The following PAG1 variants were observed in gnomAD, a reference collection of about 807,000 sequenced individuals.
The protein encoded by PAG1 is phosphoprotein membrane anchor with glycosphingolipid microdomains 1, also known as phosphoprotein associated with glycosphingolipid-enriched microdomains 1.
PAG1 carries 23 observed loss-of-function variants against 31.7 expected under a neutral mutation model. The observed-to-expected ratio is 0.73, with a 90% CI of 0.52 to 1.03. The LOEUF (loss-of-function observed/expected upper bound fraction) is 1.03, where lower values mean the gene tolerates loss of function less well. Among genes scored for constraint, PAG1 ranks in the 50% least tolerant of loss-of-function variants. The pLI is 0.00. For missense variants in PAG1, 473 were observed against 540.7 expected (o/e 0.87, Z 1.24); for synonymous variants, 214 against 210.3 (o/e 1.02, Z -0.15).
chr8:81,000,423 CTT>C (rs1302011339), intron 3 of PAG1, among the ~76,000 whole-genome samples: 3 of 151,178 alleles, frequency 2.0e-5, no homozygotes, highest in Non-Finnish European at 4.4e-5. Flanking sequence ...AAGGCAAATC[CTT>C]TTTTTTTGAG....
intron 2 of PAG1, among the ~76,000 whole-genome samples, chr8:81,052,518 T>C (rs1808750402): frequency 6.6e-6 from 1 of 152,236 alleles, no homozygotes; most frequent in African/African-American, 2.4e-5. Flanking sequence ...AAAATCATCC[T>C]TAATTTGACA....
In PAG1 at chr8:80,972,991, C is replaced by T. The variant is rs1807110004; in HGVS notation, c.*3553G>A. ...TAGTTTATTACTGGTTAAGTAAATG[C>T]TCTAATTAGCAAAAATCATGAGAAA... On this transcript the variant is annotated 3_prime_UTR_variant, in exon 9 of 9. Coordinates refer to ENST00000220597, the MANE Select transcript of PAG1 (RefSeq NM_018440.4). 1.3e-5 allele frequency: 2 copies of T among 150,452 alleles called. No homozygotes were observed. 9.3% of individuals were successfully genotyped at this position (150,452 alleles called of 1,614,324 possible). A position where few individuals can be genotyped will look rare whatever the true frequency, so the allele number is the denominator to read the frequency against.
chr8:81,108,636 T>C (rs1229929505), intron 1 of PAG1, among the ~76,000 whole-genome samples: 4 of 152,010 alleles, frequency 2.6e-5, no homozygotes, highest in Non-Finnish European at 5.9e-5. Flanking sequence ...GCGAGAACAC[T>C]ATCTAGTATT....
At position 80,985,342 on chromosome 8, in the gene PAG1, G is replaced by A; in HGVS notation, c.310C>T (p.His104Tyr). The part of the protein sequence containing the change: ...SEDSTLTCMQ[H>Y]YEEVQTSASD... ...GCCGATGTCTGGACTTCCTCGTAAT[G>A]CTGCATGCAGGTCAGAGTACTGTCC... is the stretch of plus-strand genomic sequence containing the variant. The change falls in exon 7 of 9, where the codon CAT becomes TAT. Residue 104 changes from histidine to tyrosine, a missense_variant. Transcript: ENST00000220597. 6.2e-7 allele frequency: 1 copy of A among 1,614,024 alleles called. No homozygotes were observed. Among genetic ancestry groups the A allele is most frequent in the South Asian group, 1.1e-5 (1 of 91,058 alleles).
chr8:80,985,174 C>A lies in PAG1; in HGVS notation c.478G>T (p.Glu160Ter). The change falls in exon 7 of 9, where the codon GAA (glutamate) becomes TAA (stop). Residue 160 changes from glutamate (E) to a stop codon, truncating the protein, a stop_gained. Coordinates refer to ENST00000220597, the MANE Select transcript of PAG1 (RefSeq NM_018440.4). LOFTEE classifies it high-confidence loss of function. ...SVDGDQGLGM[E>*]GPYEVLKDSS... ...TCCTTGAGCACTTCATAGGGCCCTT[C>A]CATCCCCAGCCCCTGGTCCCCGTCC... The A allele has an allele frequency of 6.2e-7, 1 of 1,614,108 alleles. No homozygotes were observed. Among genetic ancestry groups the A allele is most frequent in the Non-Finnish European group, 8.5e-7 (1 of 1,180,018 alleles).
intron 2 of PAG1, among the ~76,000 whole-genome samples, chr8:81,066,128 G>A (rs1809002683): frequency 6.6e-6 from 1 of 152,182 alleles, no homozygotes; most frequent in South Asian, 2.1e-4. Context: ...CTGACATTTG[G>A]TGTCAACAAG....
At chr8:81,093,161 CA>C (rs1279853410) in intron 1 of PAG1, among the ~76,000 whole-genome samples, 1 of 152,192 alleles carries the variant, frequency 6.6e-6, no homozygotes, top group African/African-American at 2.4e-5. Flanking sequence ...ACCAGCTGCA[CA>C]GAGAACAGAA....
At chr8:81,092,931 TC>T (rs1460804113) in intron 1 of PAG1, among the ~76,000 whole-genome samples, 3 of 152,178 alleles carry the variant, frequency 2.0e-5, no homozygotes, top group Admixed American at 2.0e-4. Flanking sequence ...CTCAAAACCT[TC>T]TTAGCTGCAT....
intron 1 of PAG1, among the ~76,000 whole-genome samples, chr8:81,084,329 T>C (rs1420872826): frequency 2.0e-5 from 3 of 152,192 alleles, no homozygotes; most frequent in Admixed American, 2.0e-4. Flanking sequence ...AGTAAGGACA[T>C]TGCATTTGCT....
In PAG1 at chr8:80,971,591, T is replaced by A. The variant is rs1038777071; in HGVS notation, c.*4953A>T. The A allele has an allele frequency of 6.6e-6, 1 of 152,176 alleles. No individual in the cohort carries two copies. Among genetic ancestry groups the A allele is most frequent in the African/African-American group, 2.4e-5 (1 of 41,448 alleles). 9.4% of individuals were successfully genotyped at this position (152,176 alleles called of 1,614,324 possible). A position where few individuals can be genotyped will look rare whatever the true frequency, so the allele number is the denominator to read the frequency against. On this transcript the variant is annotated 3_prime_UTR_variant, in exon 9 of 9. Coordinates refer to ENST00000220597, the MANE Select transcript of PAG1 (RefSeq NM_018440.4). ...GAGACAACCCAAGGGTAGCACATTT[T>A]AAAAAATACCCACAGTATATAACTG...
intron 1 of PAG1, among the ~76,000 whole-genome samples, chr8:81,079,325 C>T (rs557291410): frequency 3.3e-5 from 5 of 152,196 alleles, no homozygotes; most frequent in African/African-American, 1.2e-4. Flanking sequence ...TACTCCTCGA[C>T]TGGAAAAAAA....
At chr8:80,980,229 A>G (rs1807270833) in intron 8 of PAG1, among the ~76,000 whole-genome samples, 1 of 151,936 alleles carries the variant, frequency 6.6e-6, no homozygotes, top group Non-Finnish European at 1.5e-5. Context: ...TGAGCTGACT[A>G]CTTGTCCTGC....
intron 1 of PAG1, among the ~76,000 whole-genome samples, chr8:81,086,012 C>T (rs1243836554): frequency 6.1e-5 from 6 of 98,216 alleles, no homozygotes; most frequent in East Asian, 6.6e-4. Context: ...GACGGAGTCT[C>T]GCTCTGTCGC....
chr8:81,039,843 G>A (rs893749763), intron 2 of PAG1, among the ~76,000 whole-genome samples: 1 of 152,146 alleles, frequency 6.6e-6, no homozygotes, highest in African/African-American at 2.4e-5. Context: ...ATTTCAAAGA[G>A]GGAATCTGCA....
intron 2 of PAG1, among the ~76,000 whole-genome samples, chr8:81,059,458 T>C (rs1210156699): frequency 6.6e-6 from 1 of 152,102 alleles, no homozygotes; most frequent in Non-Finnish European, 1.5e-5. Context: ...AGACCAGTAT[T>C]TACAGCACAA....
At position 80,990,994 on chromosome 8, in the gene PAG1, G is replaced by C. The variant is rs1807534260; in HGVS notation, c.177+485C>G. ...GGACACAGCCAGCCATACATAGATG[G>C]GAGGTGATGTGAAACACAGAGGTCA... On this transcript the variant is annotated intron_variant, in intron 5 of 8. Transcript: ENST00000220597. This position sits in a 1 kb window ranked among gnomAD's most constrained non-coding sequence, Gnocchi z 5.1. Among the ~76,000 whole-genome samples the C allele has an allele frequency of 6.6e-6, 1 of 152,262 alleles. No homozygotes were observed. The highest frequency in any genetic ancestry group is 6.5e-5 in the Admixed American group (1 of 15,300).
chr8:81,065,768 A>G (rs1206140193), intron 2 of PAG1, among the ~76,000 whole-genome samples: 1 of 151,382 alleles, frequency 6.6e-6, no homozygotes, highest in African/African-American at 2.4e-5. Flanking sequence ...CTTTTAAAAC[A>G]GAATAGACTA....
chr8:81,045,038 T>C (rs1808618658), intron 2 of PAG1, among the ~76,000 whole-genome samples: 1 of 152,174 alleles, frequency 6.6e-6, no homozygotes, highest in Non-Finnish European at 1.5e-5. Flanking sequence ...CCTATGCTGC[T>C]CCTTGAAAGC....
At chr8:81,001,443 G>T (rs985522558) in intron 3 of PAG1, among the ~76,000 whole-genome samples, 7 of 152,186 alleles carry the variant, frequency 4.6e-5, no homozygotes, top group Non-Finnish European at 1.0e-4. Flanking sequence ...GCTGAAACTT[G>T]ATGGGGGCAC....
Sources: gnomAD v4.1 joint callset for allele counts (sites outside exome capture counted in the v4.1 genomes callset) on GRCh38, gnomAD v4.1.1 for gene constraint, Gnocchi (gnomAD v3.1) non-coding constraint, MANE v1.5 for transcripts, NCBI Gene and HGNC (gene_info 2026-07-23, HGNC 2026-07-21) for gene names.